The following WRN variants were observed in gnomAD, a reference collection of about 807,000 sequenced individuals.
WRN encodes WRN RecQ like helicase, also known as bifunctional 3'-5' exonuclease/ATP-dependent helicase WRN.
In WRN, 149 loss-of-function variants were observed where a neutral mutation model predicts 180.7. That is an observed-to-expected ratio of 0.82 (90% CI 0.72 to 0.94). WRN has a LOEUF of 0.94. Among genes scored for constraint, WRN ranks in the 40% least tolerant of loss-of-function variants. WRN has a pLI of 0.00. For missense variants in WRN, 1,661 were observed against 1,700.1 expected, an observed-to-expected ratio of 0.98 and a Z score of 0.40; for synonymous variants, 548 against 568.9, an observed-to-expected ratio of 0.96 and a Z score of 0.52.
intron 31 of WRN, 52 bp downstream of exon 31, chr8:31,150,507 C>A (rs777733824): frequency 2.0e-6 from 3 of 1,532,638 alleles, no homozygotes; most frequent in Non-Finnish European, 2.7e-6. Flanking sequence ...TTTTTTGTAA[C>A]CATTTCAAAA....
chr8:31,116,644 C>A, intron 20 of WRN, 116 bp downstream of exon 20: 1 of 1,405,120 alleles, frequency 7.1e-7, no homozygotes, highest in Non-Finnish European at 9.8e-7. Flanking sequence ...ATAAAGCAGT[C>A]CCTCTGATAA....
In WRN at chr8:31,058,544, G is replaced by T. The variant is rs1258953831; in HGVS notation, c.96+1G>T. 1.2e-6 allele frequency: 2 copies of T among 1,613,220 alleles called. No homozygotes were observed. The highest frequency in any genetic ancestry group is 1.1e-5 in the South Asian group (1 of 90,996). Reference sequence around the variant, plus strand: ...AAGATGTGCTGTAGAAGAAAGAAAGGTATGTTGTTCATTGACTATTCTTTT... The same window carrying T: ...AAGATGTGCTGTAGAAGAAAGAAAGTTATGTTGTTCATTGACTATTCTTTT... On this transcript the variant is annotated splice_donor_variant, in intron 2 of 34. Coordinates refer to ENST00000298139, the MANE Select transcript of WRN (RefSeq NM_000553.6). LOFTEE classifies it high-confidence loss of function.
intron 7 of WRN, among the ~76,000 whole-genome samples, chr8:31,070,857 CA>C (rs910036164): frequency 2.6e-5 from 4 of 151,984 alleles, no homozygotes; most frequent in African/African-American, 9.6e-5. Flanking sequence ...CCAGCCTGGC[CA>C]AAATGGTGAA....
rs1804261913 is a variant in WRN, at chr8:31,176,082, T to C, written c.*2980T>C. ...TATTATAAAGGTGTACCATGAATTATGTACCTTACTTCATATTGTTGGACA... is the reference window on the plus strand; with the variant it reads ...TATTATAAAGGTGTACCATGAATTACGTACCTTACTTCATATTGTTGGACA... On this transcript the variant is annotated 3_prime_UTR_variant, in exon 35 of 35. Coordinates refer to ENST00000298139, the MANE Select transcript of WRN (RefSeq NM_000553.6). 6.6e-6 allele frequency among the ~76,000 whole-genome samples: 1 copy of C among 152,194 alleles called. No individual in the cohort carries two copies. The highest frequency in any genetic ancestry group is 6.5e-5 in the Admixed American group (1 of 15,282).
At chr8:31,132,268 A>G (rs903283898) in intron 23 of WRN, 97 bp from the exon 24 acceptor site, 1 of 1,449,088 alleles carries the variant, frequency 6.9e-7, no homozygotes, top group Admixed American at 2.3e-5. Context: ...CACATTTGAG[A>G]TATTTTTTAC....
chr8:31,064,791 G>T (rs1563329740), intron 4 of WRN, 124 bp from the exon 5 acceptor site: 1 of 1,154,728 alleles, frequency 8.7e-7, no homozygotes, highest in South Asian at 1.4e-5. Context: ...CAAGGTCAAT[G>T]TGTTTCTGAA....
chr8:31,057,586 A>G lies in WRN; in HGVS notation c.-76-786A>G, dbSNP rs190659377. ...ACTCCGTCTCAAAACAAAAAACAAA[A>G]AACAAAAAAACTGCTACCTCCTTAT... On this transcript the variant is annotated intron_variant, in intron 1 of 34. Transcript: ENST00000298139. Among the ~76,000 whole-genome samples, 413 of 152,104 alleles carry G rather than the reference A, an allele frequency of 2.7e-3. 1 individual carries two copies. Among genetic ancestry groups the G allele is most frequent in the Admixed American group, 6.3e-3 (96 of 15,284 alleles).
chr8:31,083,612 T>C (rs1813406389), intron 9 of WRN, 87 bp from the exon 10 acceptor site: 4 of 951,720 alleles, frequency 4.2e-6, no homozygotes, highest in Middle Eastern at 2.7e-4. Flanking sequence ...TGTCTAAAGA[T>C]ATCTAGTATA....
chr8:31,105,426 T>C (rs913977572), intron 18 of WRN, among the ~76,000 whole-genome samples: 1 of 151,582 alleles, frequency 6.6e-6, no homozygotes, highest in African/African-American at 2.4e-5. Flanking sequence ...ACTCATTTTC[T>C]TGGTCATTTC....
intron 5 of WRN, among the ~76,000 whole-genome samples, chr8:31,066,429 A>C (rs535616232): frequency 1.5e-4 from 22 of 150,660 alleles, no homozygotes; most frequent in Non-Finnish European, 3.1e-4. Context: ...CTCATGATCC[A>C]CCTGCCTCGG....
chr8:31,097,215 T>G (rs922121070), intron 17 of WRN, among the ~76,000 whole-genome samples: 4 of 152,202 alleles, frequency 2.6e-5, no homozygotes, highest in African/African-American at 9.6e-5. Context: ...CTAGGTTCTG[T>G]GAAATTTTAA....
At chr8:31,114,666 C>G (rs1032808201) in intron 19 of WRN, among the ~76,000 whole-genome samples, 5 of 152,038 alleles carry the variant, frequency 3.3e-5, no homozygotes, top group African/African-American at 4.8e-5. Context: ...TTCTCTGACC[C>G]TACTACTGTG....
At chr8:31,092,427 C>A (rs1444469086) in intron 16 of WRN, among the ~76,000 whole-genome samples, 4 of 136,942 alleles carry the variant, frequency 2.9e-5, no homozygotes, top group African/African-American at 1.0e-4. Flanking sequence ...GATACACATA[C>A]ACACACCCAT....
chr8:31,063,643 C>T (rs1337794247), intron 3 of WRN, among the ~76,000 whole-genome samples: 6 of 152,302 alleles, frequency 3.9e-5, no homozygotes, highest in South Asian at 2.1e-4. Context: ...TGTGAAATCA[C>T]GTAGACTTAG....
rs999605877 is a variant in WRN at position 31,174,527 on chromosome 8, A to G, written c.*1425A>G. ...GAACTAAGTTGGCCTCTTCACGGAA[A>G]ACAACTGGTATTTGTTGTGCCAATG... On this transcript the variant is annotated 3_prime_UTR_variant, in exon 35 of 35. Transcript: ENST00000298139. Among the ~76,000 whole-genome samples the G allele has an allele frequency of 2.0e-5, 3 of 152,216 alleles. No homozygotes were observed. The highest frequency in any genetic ancestry group is 4.8e-5 in the African/African-American group (2 of 41,458).
chr8:31,155,439 T>C (rs1046393777), intron 32 of WRN, among the ~76,000 whole-genome samples: 4 of 151,950 alleles, frequency 2.6e-5, no homozygotes, highest in African/African-American at 9.7e-5. Context: ...TTGGACAACA[T>C]AGGGAGACCC....
Position 31,072,664 on chromosome 8 carries a change from T to G in WRN, c.725-3509T>G, listed in dbSNP as rs191188254. On this transcript the variant is annotated intron_variant, in intron 7 of 34. Transcript: ENST00000298139. ...TTTCTCAGAAGCTTGTTTTAGTTGT[T>G]TTAGAAATAACGAAGGCATGTGTAA... Among the ~76,000 whole-genome samples, 318 of 152,324 alleles carry G rather than the reference T, an allele frequency of 2.1e-3. 8 individuals are homozygous for G. The highest frequency in any genetic ancestry group is 0.02 in the Admixed American group (302 of 15,302).
chr8:31,056,252 T>A (rs549717422), intron 1 of WRN, among the ~76,000 whole-genome samples: 1 of 152,208 alleles, frequency 6.6e-6, no homozygotes, highest in African/African-American at 2.4e-5. Flanking sequence ...ATTTTGCCAA[T>A]GAGGTCTACT....
At chr8:31,116,839 A>T (rs1801541604) in intron 20 of WRN, among the ~76,000 whole-genome samples, 1 of 152,176 alleles carries the variant, frequency 6.6e-6, no homozygotes, top group Non-Finnish European at 1.5e-5. Context: ...CCAGTAGGTG[A>T]TGAGGGGAAA....
Sources: gnomAD v4.1 joint callset for allele counts (sites outside exome capture counted in the v4.1 genomes callset) on GRCh38, gnomAD v4.1.1 for gene constraint, MANE v1.5 for transcripts, NCBI Gene and HGNC (gene_info 2026-07-23, HGNC 2026-07-21) for gene names.